MGST1: variants seen among roughly 807,000 people sequenced by gnomAD.
The protein encoded by MGST1 is glutathione S-transferase 12.
In MGST1, 5 loss-of-function variants were observed where a neutral mutation model predicts 8.9. The ratio of observed to expected loss-of-function variants is 0.56; its 90% confidence interval spans 0.29 to 1.19. The LOEUF (loss-of-function observed/expected upper bound fraction) is 1.19. Ranked by LOEUF, MGST1 falls within the 50% of genes most tolerant of loss-of-function variation. The pLI is 0.08. For missense variants in MGST1, 182 were observed against 187.4 expected, an observed-to-expected ratio of 0.97 and a Z score of 0.17; for synonymous variants, 54 against 67.8, an observed-to-expected ratio of 0.80 and a Z score of 1.00.
chr12:16,436,951 GA>G (rs1221715988), intron 1 of MGST1, among the ~76,000 whole-genome samples: 1 of 151,958 alleles, frequency 6.6e-6, no homozygotes, highest in Non-Finnish European at 1.5e-5. Flanking sequence ...TGTAACTGGA[GA>G]AAATTGTGTA....
chr12:16,442,386 C>T (rs1039897238), downstream of MGST1, among the ~76,000 whole-genome samples: 4 of 151,772 alleles, frequency 2.6e-5, no homozygotes, highest in Non-Finnish European at 2.9e-5. This position sits in a 1 kb window ranked among gnomAD's most constrained non-coding sequence, Gnocchi z 4.5. Context: ...AATGTCATCA[C>T]GATACCCAAG....
chr12:16,450,403 G>C (rs993157811), intron 4 of MGST1, among the ~76,000 whole-genome samples: 1 of 151,882 alleles, frequency 6.6e-6, no homozygotes, highest in Non-Finnish European at 1.5e-5. Context: ...ACAATGAAAT[G>C]GCTGTTCCTT....
intron 1 of MGST1, among the ~76,000 whole-genome samples, chr12:16,396,163 G>C (rs138946816): frequency 1.3e-5 from 2 of 151,760 alleles, no homozygotes; most frequent in African/African-American, 4.8e-5. Context: ...GTGGTATTGC[G>C]TTGTGGTTTT....
chr12:16,445,713 G>A (rs779208446), intron 4 of MGST1, among the ~76,000 whole-genome samples: 16 of 151,878 alleles, frequency 1.1e-4, no homozygotes, highest in Non-Finnish European at 2.2e-4. Context: ...TTACAGTCAC[G>A]TGGCAGCTAT....
rs1159403938 is a variant in MGST1, at chr12:16,497,330, G to T, written n.483-92198G>T. On this transcript the variant is annotated intron_variant and non_coding_transcript_variant, in intron 4 of 4. Coordinates refer to the MGST1 transcript ENST00000538857. The surrounding 1 kb of genome is among the most constrained non-coding windows in gnomAD (Gnocchi z 4.4). ...AATAGTTCTTTTTAATCATGGAAAT[G>T]AGGTAGTGTTAATCAAGCAAAAACA... Among the ~76,000 whole-genome samples the T allele has an allele frequency of 3.9e-5, 6 of 152,220 alleles. No individual in the cohort carries two copies. In the East Asian group the frequency reaches 9.7e-4, roughly 25 times the overall value.
chr12:16,364,623 A>C (rs1249869953), downstream of MGST1, among the ~76,000 whole-genome samples: 2 of 152,056 alleles, frequency 1.3e-5, no homozygotes, highest in Non-Finnish European at 2.9e-5. The surrounding 1 kb of genome is among the most constrained non-coding windows in gnomAD (Gnocchi z 5.7). Context: ...ACTCTTTAAA[A>C]CTTCAGCACG....
chr12:16,521,219 T>G (rs1204028575), intron 4 of MGST1, among the ~76,000 whole-genome samples: 1 of 152,088 alleles, frequency 6.6e-6, no homozygotes, highest in Non-Finnish European at 1.5e-5. Context: ...AAATGATTCG[T>G]GTGAGGAAAA....
At chr12:16,568,286 G>A (rs1441257650) in intron 4 of MGST1, among the ~76,000 whole-genome samples, 1 of 152,174 alleles carries the variant, frequency 6.6e-6, no homozygotes, top group Non-Finnish European at 1.5e-5. Flanking sequence ...ATCCATTCCA[G>A]TTTGAAGGTT....
intron 4 of MGST1, among the ~76,000 whole-genome samples, chr12:16,502,153 G>T (rs1396278001): frequency 6.6e-6 from 1 of 152,092 alleles, no homozygotes; most frequent in Non-Finnish European, 1.5e-5. Context: ...ACAAATGATG[G>T]CAAATATTTT....
chr12:16,466,587 A>G (rs955718658), intron 4 of MGST1, among the ~76,000 whole-genome samples: 5 of 152,206 alleles, frequency 3.3e-5, no homozygotes, highest in Non-Finnish European at 7.3e-5. Context: ...AATATGAGCC[A>G]CTTGAATAAA....
At chr12:16,505,359 T>G (rs1941530881) in intron 4 of MGST1, among the ~76,000 whole-genome samples, 1 of 152,204 alleles carries the variant, frequency 6.6e-6, no homozygotes. Context: ...TAGATAGCAC[T>G]GCGATTAACA....
Position 16,361,232 on chromosome 12 carries a change from G to C in MGST1, c.222-2563G>C, listed in dbSNP as rs762066733. Among the ~76,000 whole-genome samples, 12 of 152,188 alleles carry C rather than the reference G, an allele frequency of 7.9e-5. No individual in the cohort carries two copies. Among genetic ancestry groups the C allele is most frequent in the Non-Finnish European group, 1.6e-4 (11 of 68,028 alleles). On this transcript the variant is annotated intron_variant, in intron 3 of 3. Transcript: ENST00000396210. The surrounding 1 kb of genome is among the most constrained non-coding windows in gnomAD (Gnocchi z 4.2). ...ATGAGGGCGTCAGGAAAAGCCTGCTGTGCAGCTCCTTTTGTAGTTGTTCAC... is the reference window on the plus strand; with the variant it reads ...ATGAGGGCGTCAGGAAAAGCCTGCTCTGCAGCTCCTTTTGTAGTTGTTCAC...
At chr12:16,399,969 A>G (rs143001505) in intron 1 of MGST1, 20,186 of 1,355,346 alleles carry the variant, frequency 0.015, 173 homozygotes, top group Middle Eastern at 0.023. Flanking sequence ...GCGCACTACT[A>G]GTGGGCTGAA....
downstream of MGST1, among the ~76,000 whole-genome samples, chr12:16,378,090 G>C (rs1247125587): frequency 6.6e-6 from 1 of 152,156 alleles, no homozygotes; most frequent in East Asian, 1.9e-4. Context: ...CTGCCATTCT[G>C]TAGGTTGCCT....
At chr12:16,534,216 A>G (rs1941740116) in intron 4 of MGST1, among the ~76,000 whole-genome samples, 1 of 152,264 alleles carries the variant, frequency 6.6e-6, no homozygotes, top group African/African-American at 2.4e-5. Context: ...AATACAATCA[A>G]TAACCTTTAT....
chr12:16,526,815 GA>G (rs1941689251), intron 4 of MGST1, among the ~76,000 whole-genome samples: 1 of 151,934 alleles, frequency 6.6e-6, no homozygotes, highest in Non-Finnish European at 1.5e-5. Context: ...CCAAAATCTG[GA>G]AAAAGTGAGT....
chr12:16,513,709 G>A lies in MGST1; in HGVS notation n.483-75819G>A. 1 of 554,650 alleles carries A rather than the reference G, an allele frequency of 1.8e-6. No homozygotes were observed. Among genetic ancestry groups the A allele is most frequent in the Non-Finnish European group, 3.6e-6 (1 of 276,130 alleles). The allele number at this position is 554,650 out of a possible 1,614,324, so 34.4% of individuals were successfully genotyped here. A position where few individuals can be genotyped will look rare whatever the true frequency, so the allele number is the denominator to read the frequency against. ...GCTGGCTGAATTTTGCAAGGCATCT[G>A]CAGAAGTAGCCTTGGGCGAGAATAG... is the stretch of plus-strand genomic sequence containing the variant. On this transcript the variant is annotated intron_variant and non_coding_transcript_variant, in intron 4 of 4. Transcript: ENST00000538857. This position sits in a 1 kb window ranked among gnomAD's most constrained non-coding sequence, Gnocchi z 4.2.
At chr12:16,580,804 A>G (rs948226008) in intron 4 of MGST1, among the ~76,000 whole-genome samples, 1 of 152,112 alleles carries the variant, frequency 6.6e-6, no homozygotes, top group African/African-American at 2.4e-5. Context: ...CTATTGTTAA[A>G]TTTTTCACGA....
chr12:16,351,566 T>C (rs1939466604), intron 1 of MGST1, among the ~76,000 whole-genome samples: 1 of 152,028 alleles, frequency 6.6e-6, no homozygotes. Flanking sequence ...TCCTAGCAGT[T>C]TGGGAGGCTG....
Sources: gnomAD v4.1 joint callset for allele counts (sites outside exome capture counted in the v4.1 genomes callset) on GRCh38, gnomAD v4.1.1 for gene constraint, Gnocchi (gnomAD v3.1) non-coding constraint, MANE v1.5 for transcripts, NCBI Gene and HGNC (gene_info 2026-07-23, HGNC 2026-07-21) for gene names.